INPP4B: variants seen among roughly 807,000 people sequenced by gnomAD.
INPP4B encodes inositol polyphosphate 4-phosphatase type II.
A neutral mutation model predicts 122.5 loss-of-function variants in INPP4B; 55 were observed. The ratio of observed to expected loss-of-function variants is 0.45; its 90% confidence interval spans 0.36 to 0.56. The LOEUF (loss-of-function observed/expected upper bound fraction) is 0.56. Ranked by LOEUF, INPP4B falls within the 20% of genes least tolerant of loss-of-function variation. INPP4B has a pLI of 0.00. For missense variants in INPP4B, 1,000 were observed against 1,097.7 expected (o/e 0.91, Z 1.26); for synonymous variants, 403 against 388.7 (o/e 1.04, Z -0.43).
Position 142,784,895 on chromosome 4 carries a change from T to A in INPP4B, c.-253-58994A>T, listed in dbSNP as rs1315424998. 5.9e-5 allele frequency among the ~76,000 whole-genome samples: 9 copies of A among 152,022 alleles called. No individual in the cohort carries two copies. In the East Asian group the frequency reaches 1.5e-3, roughly 26 times the overall value. On this transcript the variant is annotated intron_variant, in intron 1 of 25. Transcript: ENST00000262992. ...AAAACAGCCCCCTTTAGGCTTCCTGTCTCACTTACAGCGATAACAAAAAAG... is the reference window on the plus strand; with the variant it reads ...AAAACAGCCCCCTTTAGGCTTCCTGACTCACTTACAGCGATAACAAAAAAG...
intron 7 of INPP4B, among the ~76,000 whole-genome samples, chr4:142,377,865 C>T (rs1291628817): frequency 1.3e-5 from 2 of 152,052 alleles, no homozygotes; most frequent in African/African-American, 4.8e-5. Context: ...GCTCTGCACC[C>T]AGCCACAAGT....
At chr4:142,351,094 T>C (rs1330204370) in intron 7 of INPP4B, among the ~76,000 whole-genome samples, 1 of 152,066 alleles carries the variant, frequency 6.6e-6, no homozygotes, top group Non-Finnish European at 1.5e-5. Flanking sequence ...CAGTTTGCAA[T>C]ACTTCCAACA....
At chr4:142,122,082 G>T in intron 21 of INPP4B, 46 bp downstream of exon 21, 1 of 1,208,566 alleles carries the variant, frequency 8.3e-7, no homozygotes, top group Non-Finnish European at 1.2e-6. Flanking sequence ...GAGTTAACAC[G>T]ACATGTCTAA....
intron 2 of INPP4B, among the ~76,000 whole-genome samples, chr4:142,563,858 A>G (rs1297043354): frequency 6.6e-6 from 1 of 152,148 alleles, no homozygotes; most frequent in Non-Finnish European, 1.5e-5. Context: ...AGCTATGGCT[A>G]TGGCTCTACC....
intron 2 of INPP4B, among the ~76,000 whole-genome samples, chr4:142,512,349 G>A (rs1274224624): frequency 1.3e-5 from 2 of 152,022 alleles, no homozygotes; most frequent in Admixed American, 1.3e-4. Flanking sequence ...TTGTAAGTCA[G>A]GTCAAAGATT....
At chr4:142,263,869 A>G (rs1281148653) in intron 10 of INPP4B, among the ~76,000 whole-genome samples, 1 of 151,708 alleles carries the variant, frequency 6.6e-6, no homozygotes, top group Non-Finnish European at 1.5e-5. Flanking sequence ...CTTCAAAGGT[A>G]GGTGGGAAAA....
intron 18 of INPP4B, among the ~76,000 whole-genome samples, chr4:142,125,221 CT>C (rs754186677): frequency 3.9e-5 from 6 of 151,998 alleles, no homozygotes; most frequent in Non-Finnish European, 7.4e-5. Context: ...CCTTGGATTA[CT>C]TCCTGGACTA....
chr4:142,368,678 A>C (rs2148662352), intron 7 of INPP4B, among the ~76,000 whole-genome samples: 1 of 151,572 alleles, frequency 6.6e-6, no homozygotes, highest in African/African-American at 2.4e-5. Flanking sequence ...CTGTTATGGG[A>C]TGAGAGAAAA....
intron 2 of INPP4B, among the ~76,000 whole-genome samples, chr4:142,622,045 C>T (rs1745055977): frequency 6.6e-6 from 1 of 151,810 alleles, no homozygotes; most frequent in Admixed American, 6.6e-5. Context: ...GTTCTAAAGT[C>T]CATGTGCTTA....
intron 2 of INPP4B, among the ~76,000 whole-genome samples, chr4:142,463,857 C>T (rs1817218134): frequency 6.6e-6 from 1 of 152,110 alleles, no homozygotes; most frequent in Non-Finnish European, 1.5e-5. Flanking sequence ...GAGGCCTCCC[C>T]AGCCCTGCAG....
chr4:142,787,679 A>C (rs1775944530), intron 1 of INPP4B, among the ~76,000 whole-genome samples: 1 of 152,064 alleles, frequency 6.6e-6, no homozygotes, highest in Admixed American at 6.6e-5. Context: ...TTTATATCCA[A>C]ATTCTGCTTT....
In INPP4B at chr4:142,023,993, A is replaced by AT. The variant is rs1343455304; in HGVS notation, c.*4788dup. The AT allele has an allele frequency of 2.0e-5, 3 of 150,664 alleles. No homozygotes were observed. The highest frequency in any genetic ancestry group is 4.4e-5 in the Non-Finnish European group (3 of 67,692). The allele number at this position is 150,664 out of a possible 1,614,324, so 9.3% of individuals were successfully genotyped here. ...TTACTATTTTTCCTGTCTCCTTGTTATTAATAGCAAGACATATGTTCCTTT... is the reference window on the plus strand; with the variant it reads ...TTACTATTTTTCCTGTCTCCTTGTTATTTAATAGCAAGACATATGTTCCTTT... On this transcript the variant is annotated 3_prime_UTR_variant, in exon 26 of 26. Transcript: ENST00000262992.
chr4:142,836,620 G>A (rs1294617534), intron 1 of INPP4B, among the ~76,000 whole-genome samples: 1 of 151,604 alleles, frequency 6.6e-6, no homozygotes, highest in African/African-American at 2.4e-5. Flanking sequence ...ATAGACTAGA[G>A]AGGAAAAAAA....
At chr4:142,703,423 A>G (rs1762064685) in intron 2 of INPP4B, among the ~76,000 whole-genome samples, 1 of 152,206 alleles carries the variant, frequency 6.6e-6, no homozygotes, top group African/African-American at 2.4e-5. Flanking sequence ...TTAAAGGAAC[A>G]TTATGAGGGG....
chr4:142,611,888 C>T (rs370430301), intron 2 of INPP4B, among the ~76,000 whole-genome samples: 2 of 152,000 alleles, frequency 1.3e-5, no homozygotes, highest in African/African-American at 2.4e-5. Context: ...AGGCTGGTCT[C>T]GAACTCCTGA....
intron 2 of INPP4B, among the ~76,000 whole-genome samples, chr4:142,655,055 T>C (rs1383730468): frequency 6.6e-6 from 1 of 152,202 alleles, no homozygotes. Flanking sequence ...AACAGTAAGA[T>C]AAAAAGTTAC....
chr4:142,368,794 G>C (rs936255779), intron 7 of INPP4B, among the ~76,000 whole-genome samples: 1 of 152,074 alleles, frequency 6.6e-6, no homozygotes, highest in African/African-American at 2.4e-5. Flanking sequence ...CAGTGAAAGA[G>C]AAAAGAGTGA....
intron 20 of INPP4B, 81 bp downstream of exon 20, chr4:142,123,211 T>G (rs1197743677): frequency 8.4e-7 from 1 of 1,195,696 alleles, no homozygotes; most frequent in African/African-American, 1.6e-5. Context: ...TACTTATTTT[T>G]ATGTTTTCTT....
chr4:142,168,065 G>A (rs1466874690), intron 16 of INPP4B, among the ~76,000 whole-genome samples: 2 of 151,222 alleles, frequency 1.3e-5, no homozygotes, highest in Non-Finnish European at 3.0e-5. Context: ...GTTGGTGAAC[G>A]TCAGAGAAAC....
Sources: gnomAD v4.1 joint callset for allele counts (sites outside exome capture counted in the v4.1 genomes callset) on GRCh38, gnomAD v4.1.1 for gene constraint, MANE v1.5 for transcripts, NCBI Gene and HGNC (gene_info 2026-07-23, HGNC 2026-07-21) for gene names.